UPF2: variants seen among roughly 807,000 people sequenced by gnomAD.
The protein encoded by UPF2 is regulator of nonsense transcripts 2.
In UPF2, 17 loss-of-function variants were observed where a neutral mutation model predicts 141.4. The ratio of observed to expected loss-of-function variants is 0.12; its 90% CI spans 0.08 to 0.18. The LOEUF (loss-of-function observed/expected upper bound fraction) is 0.18. UPF2 is among the 10% of genes least tolerant of loss of function. The pLI is 1.00. For missense variants in UPF2, 1,152 were observed against 1,515.9 expected, an observed-to-expected ratio of 0.76 and a Z score of 3.99; for synonymous variants, 540 against 498.0, an observed-to-expected ratio of 1.08 and a Z score of -1.12.
In UPF2 at chr10:11,931,967, G is replaced by C. The variant is rs1008584495; in HGVS notation, c.3547-185C>G. 5.9e-5 allele frequency among the ~76,000 whole-genome samples: 9 copies of C among 152,268 alleles called. No individual in the cohort carries two copies. The highest frequency in any genetic ancestry group is 2.2e-4 in the African/African-American group (9 of 41,576). Reference sequence around the variant, plus strand: ...AGATCAAGACCATCCAGGCCAACATGATGAAACCCCGTCTTTACTAAAAAC... The same window carrying C: ...AGATCAAGACCATCCAGGCCAACATCATGAAACCCCGTCTTTACTAAAAAC... On this transcript the variant is annotated intron_variant, in intron 19 of 21. Transcript: ENST00000357604. The surrounding 1 kb of genome is among the most constrained non-coding windows in gnomAD (Gnocchi z 5.9).
chr10:11,952,010 C>A, intron 15 of UPF2, 56 bp downstream of exon 15: 1 of 1,555,934 alleles, frequency 6.4e-7, no homozygotes, highest in South Asian at 1.1e-5. Context: ...AAAGCAAATT[C>A]CAGAAATAAT....
chr10:12,037,989 T>C lies in UPF2; in HGVS notation c.-18-2548A>G, dbSNP rs143804953. Among the ~76,000 whole-genome samples, 1,355 of 152,298 alleles carry C rather than the reference T, an allele frequency of 8.9e-3. 27 individuals carry two copies. Among genetic ancestry groups the C allele is most frequent in the African/African-American group, 0.031 (1,280 of 41,564 alleles). ...TCCCTCATTGCTCTCCACTCCCTTG[T>C]TCTATGCATTTATTTTGACAGTGAC... On this transcript the variant is annotated intron_variant, in intron 1 of 21. Transcript: ENST00000357604.
At chr10:11,993,373 G>A (rs1456605313) in intron 8 of UPF2, among the ~76,000 whole-genome samples, 5 of 152,026 alleles carry the variant, frequency 3.3e-5, no homozygotes, top group Non-Finnish European at 7.4e-5. Context: ...AACACATCGG[G>A]AGTCACACCT....
chr10:11,925,494 C>T (rs190134655), intron 21 of UPF2, among the ~76,000 whole-genome samples: 47 of 152,358 alleles, frequency 3.1e-4, no homozygotes, highest in Admixed American at 2.2e-3. Flanking sequence ...ATTTACTGAG[C>T]ACCTACTAGG....
intron 4 of UPF2, among the ~76,000 whole-genome samples, chr10:12,012,668 G>A (rs1834149986): frequency 1.3e-5 from 2 of 151,820 alleles, no homozygotes; most frequent in Admixed American, 6.6e-5. Context: ...GCGTGGTGGT[G>A]GGTGCCTGTA....
chr10:11,922,546 GA>G (rs972039921), intron 21 of UPF2, among the ~76,000 whole-genome samples: 4 of 151,962 alleles, frequency 2.6e-5, no homozygotes, highest in African/African-American at 9.7e-5. Flanking sequence ...TAAATGACAG[GA>G]AAAAAATGTT....
intron 4 of UPF2, among the ~76,000 whole-genome samples, chr10:12,005,466 C>T (rs1834020480): frequency 6.6e-6 from 1 of 152,130 alleles, no homozygotes; most frequent in African/African-American, 2.4e-5. Context: ...GTTACAACAA[C>T]CTGATTAGTA....
intron 15 of UPF2, among the ~76,000 whole-genome samples, chr10:11,951,512 T>G (rs112599731): frequency 1.3e-5 from 2 of 152,198 alleles, no homozygotes; most frequent in East Asian, 3.8e-4. Flanking sequence ...GAGTTAACTC[T>G]TCTCCCCAAA....
rs1832837308 is a variant in UPF2, at chr10:11,935,427, G to T, written c.3546+1118C>A. 6.6e-6 allele frequency among the ~76,000 whole-genome samples: 1 copy of T among 152,072 alleles called. No individual in the cohort carries two copies. Among genetic ancestry groups the T allele is most frequent in the African/African-American group, 2.4e-5 (1 of 41,400 alleles). On this transcript the variant is annotated intron_variant, in intron 19 of 21. Coordinates refer to ENST00000357604, the MANE Select transcript of UPF2 (RefSeq NM_015542.4). The surrounding 1 kb of genome is among the most constrained non-coding windows in gnomAD (Gnocchi z 4.9). ...TATTGGACTTGTCTAAGATAACTGT[G>T]GCAGCTACCATATGCAACAAAATCT...
chr10:11,969,552 T>C (rs938392240), intron 9 of UPF2, among the ~76,000 whole-genome samples: 7 of 152,226 alleles, frequency 4.6e-5, no homozygotes, highest in Admixed American at 2.6e-4. Context: ...TGTCTCATTT[T>C]TAATATTAAA....
chr10:11,942,805 CT>C, intron 17 of UPF2, 42 bp from the exon 18 acceptor site: 2 of 1,581,520 alleles, frequency 1.3e-6, no homozygotes, highest in South Asian at 2.2e-5. Flanking sequence ...GAAATTTTAA[CT>C]GTAATGTTTT....
intron 9 of UPF2, among the ~76,000 whole-genome samples, chr10:11,971,143 G>A (rs1345873801): frequency 6.6e-6 from 1 of 152,130 alleles, no homozygotes; most frequent in Non-Finnish European, 1.5e-5. Context: ...ATAAATCAAT[G>A]ATCTCACTCC....
rs61846681 is a variant in UPF2 at position 11,929,137 on chromosome 10, A to G, written c.3809+728T>C. Among the ~76,000 whole-genome samples, 497 of 152,386 alleles carry G rather than the reference A, an allele frequency of 3.3e-3. 3 individuals are homozygous for G. Among genetic ancestry groups the G allele is most frequent in the Middle Eastern group, 6.8e-3 (2 of 294 alleles). On this transcript the variant is annotated intron_variant, in intron 21 of 21. Transcript: ENST00000357604. ...ACTCCAGCCTGGGCGACAGAGCAAG[A>G]CTGTGTCTCAAAAAATAAATAAGTA...
At chr10:11,965,142 T>C (rs1833298935) in intron 10 of UPF2, among the ~76,000 whole-genome samples, 1 of 152,226 alleles carries the variant, frequency 6.6e-6, no homozygotes, top group Non-Finnish European at 1.5e-5. Flanking sequence ...TGGTGGGACA[T>C]ACATCATTGT....
At chr10:12,036,562 TTA>T (rs1834629088) in intron 1 of UPF2, among the ~76,000 whole-genome samples, 1 of 152,236 alleles carries the variant, frequency 6.6e-6, no homozygotes, top group South Asian at 2.1e-4. Flanking sequence ...TAGTACAGGC[TTA>T]TAGTTAACTG....
At chr10:12,001,533 C>T (rs373313493) in intron 6 of UPF2, 143 bp downstream of exon 6, 4 of 777,930 alleles carry the variant, frequency 5.1e-6, no homozygotes, top group African/African-American at 3.6e-5. Flanking sequence ...AAATCAAATT[C>T]TGAAAACAGT....
chr10:11,974,526 G>T (rs1247851753), intron 9 of UPF2, among the ~76,000 whole-genome samples: 1 of 152,112 alleles, frequency 6.6e-6, no homozygotes, highest in Non-Finnish European at 1.5e-5. Flanking sequence ...GTCATAAATA[G>T]CTCTTATTAT....
Position 11,959,045 on chromosome 10 carries a change from T to A in UPF2, c.2370+126A>T. 1.3e-6 allele frequency: 1 copy of A among 756,570 alleles called. No homozygotes were observed. Among genetic ancestry groups the A allele is most frequent in the South Asian group, 5.4e-5 (1 of 18,392 alleles). 46.9% of individuals were successfully genotyped at this position (756,570 alleles called of 1,614,324 possible). A position where few individuals can be genotyped will look rare whatever the true frequency, so the allele number is the denominator to read the frequency against. On this transcript the variant is annotated intron_variant, in intron 12 of 21. Transcript: ENST00000357604. The surrounding 1 kb of genome is among the most constrained non-coding windows in gnomAD (Gnocchi z 5.9). ...TCATCATAAGAATTCCTTCTTAGGG[T>A]GACTTACACAGAGCTGATTATAAAG...
At chr10:11,985,693 A>C (rs1473876616) in intron 8 of UPF2, among the ~76,000 whole-genome samples, 1 of 151,928 alleles carries the variant, frequency 6.6e-6, no homozygotes, top group Non-Finnish European at 1.5e-5. Context: ...AAGGGCACAC[A>C]AGCTCAAAAA....
Sources: gnomAD v4.1 joint callset for allele counts (sites outside exome capture counted in the v4.1 genomes callset) on GRCh38, gnomAD v4.1.1 for gene constraint, Gnocchi (gnomAD v3.1) non-coding constraint, MANE v1.5 for transcripts, NCBI Gene and HGNC (gene_info 2026-07-23, HGNC 2026-07-21) for gene names.